DYTN: variants seen among roughly 807,000 people sequenced by gnomAD.
The protein encoded by DYTN is dystrotelin.
Under a neutral mutation model 69.6 loss-of-function variants are expected in DYTN, and 75 were observed. The observed-to-expected ratio is 1.08, with a 90% confidence interval of 0.89 to 1.31. DYTN has a LOEUF of 1.31. Among genes scored for constraint, DYTN ranks in the 50% most tolerant of loss-of-function variants. The pLI is 0.00. For synonymous variants in DYTN, 252 were observed against 249.1 expected (o/e 1.01, Z -0.11); for missense variants, 726 against 688.4 (o/e 1.05, Z -0.61).
At chr2:206,685,746 T>C (rs1699798846) in intron 9 of DYTN, among the ~76,000 whole-genome samples, 3 of 151,916 alleles carry the variant, frequency 2.0e-5, no homozygotes, top group African/African-American at 4.8e-5. Context: ...TTCAGAACCC[T>C]CCCTATAACA....
intron 5 of DYTN, among the ~76,000 whole-genome samples, chr2:206,702,114 A>G (rs1424306564): frequency 6.6e-6 from 1 of 152,124 alleles, no homozygotes; most frequent in African/African-American, 2.4e-5. Context: ...GTGCCACCAC[A>G]CTCAGTGGTT....
rs1447168609 is a variant in DYTN, at chr2:206,651,936, CAA to C, written c.1634-17_1634-16del. The C allele has an allele frequency of 1.2e-6, 2 of 1,604,722 alleles. No individual in the cohort carries two copies. Among genetic ancestry groups the C allele is most frequent in the African/African-American group, 1.3e-5 (1 of 74,548 alleles). On this transcript the variant is annotated splice_polypyrimidine_tract_variant and intron_variant, in intron 11 of 11. Transcript: ENST00000452335. ...AGACTCCGGGCCTGAAATCAACAAA[CAA>C]GAGAGTCATTTAGAGAAACATACCG... is the stretch of plus-strand genomic sequence containing the variant.
intron 8 of DYTN, among the ~76,000 whole-genome samples, chr2:206,693,593 G>A (rs541601961): frequency 3.5e-4 from 53 of 152,240 alleles, no homozygotes; most frequent in African/African-American, 1.2e-3. Context: ...CTAGAGGAGG[G>A]CATCAAAGAG....
chr2:206,705,934 G>A (rs1700020933), intron 3 of DYTN, 61 bp from the exon 4 acceptor site: 2 of 1,561,470 alleles, frequency 1.3e-6, no homozygotes, highest in African/African-American at 2.7e-5. Flanking sequence ...TTGGTGTAAT[G>A]GATGATAAAA....
chr2:206,705,729 C>T, intron 4 of DYTN, 59 bp downstream of exon 4: 1 of 1,506,268 alleles, frequency 6.6e-7, no homozygotes, highest in Non-Finnish European at 9.2e-7. Flanking sequence ...TATAGGATAA[C>T]AGGTTGGGGA....
At chr2:206,696,664 A>G (rs1347046365) in intron 7 of DYTN, among the ~76,000 whole-genome samples, 2 of 152,198 alleles carry the variant, frequency 1.3e-5, no homozygotes, top group Non-Finnish European at 2.9e-5. Context: ...ACTACTTAGT[A>G]AGTAGTAGAA....
intron 9 of DYTN, among the ~76,000 whole-genome samples, chr2:206,672,862 TTGA>T (rs960586735): frequency 6.6e-6 from 1 of 152,228 alleles, no homozygotes; most frequent in African/African-American, 2.4e-5. Flanking sequence ...TCTAATCTCT[TTGA>T]TGAAAAAACT....
chr2:206,673,250 C>A (rs1194473052), intron 9 of DYTN, among the ~76,000 whole-genome samples: 5 of 151,968 alleles, frequency 3.3e-5, no homozygotes, highest in Admixed American at 3.3e-4. Flanking sequence ...TGCATTGGTT[C>A]TCCTATTTTT....
At chr2:206,687,348 T>C (rs561708124) in intron 9 of DYTN, 1 of 153,168 alleles carries the variant, frequency 6.5e-6, no homozygotes, top group East Asian at 1.9e-4. Flanking sequence ...TCCATCTTGA[T>C]GTCCAGGGAG....
chr2:206,698,165 TGAG>T lies in DYTN; in HGVS notation c.719+1559_719+1561del, dbSNP rs759008391. The stretch of plus-strand genomic sequence containing the variant: ...AAATAATTTATTTTTCTTTGTTGTA[TGAG>T]GATTTCTTTGTTCCTGCTTGCTTGG... On this transcript the variant is annotated intron_variant, in intron 7 of 11. Coordinates refer to ENST00000452335, the MANE Select transcript of DYTN (RefSeq NM_001093730.1). Among the ~76,000 whole-genome samples the T allele has an allele frequency of 3.3e-5, 5 of 152,196 alleles. No homozygotes were observed. The East Asian group carries it at 7.7e-4, about 23-fold the overall frequency.
At chr2:206,660,018 CA>C (rs939222526) in intron 11 of DYTN, among the ~76,000 whole-genome samples, 3 of 77,574 alleles carry the variant, frequency 3.9e-5, no homozygotes, top group Non-Finnish European at 5.9e-5. Flanking sequence ...TTTTTTCTTG[CA>C]AAGAAAAAAA....
intron 3 of DYTN, 149 bp downstream of exon 3, chr2:206,707,153 A>G: frequency 9.5e-6 from 9 of 944,682 alleles, no homozygotes; most frequent in South Asian, 1.7e-5. Flanking sequence ...CCTTTGTTCT[A>G]CTCCTGAGGA....
intron 9 of DYTN, among the ~76,000 whole-genome samples, chr2:206,666,879 AC>A (rs1354350569): frequency 2.6e-5 from 4 of 151,670 alleles, no homozygotes; most frequent in African/African-American, 9.7e-5. Context: ...ACACACACAC[AC>A]ACACACACAC....
chr2:206,699,898 A>G lies in DYTN; in HGVS notation c.556-8T>C, dbSNP rs1391790919. On this transcript the variant is annotated splice_polypyrimidine_tract_variant and splice_region_variant and intron_variant, in intron 6 of 11. Coordinates refer to ENST00000452335, the MANE Select transcript of DYTN (RefSeq NM_001093730.1). ...GATTGCTGGGCTCAACACCTGAAAA[A>G]CAATGGCACTCTAAGATGTGTTTTT... 6.2e-7 allele frequency: 1 copy of G among 1,610,176 alleles called. No homozygotes were observed. The highest frequency in any genetic ancestry group is 8.5e-7 in the Non-Finnish European group (1 of 1,178,450).
intron 9 of DYTN, among the ~76,000 whole-genome samples, chr2:206,674,694 A>G (rs553807703): frequency 1.3e-5 from 2 of 152,220 alleles, no homozygotes; most frequent in South Asian, 2.1e-4. Flanking sequence ...AAGGACGTTT[A>G]AAGAATAATC....
Position 206,710,588 on chromosome 2 carries a change from A to G in DYTN, c.30T>C (p.Asn10=), listed in dbSNP as rs1700071352. MDPDKQDAL[N]SIENSIYRTA... ...TTCTATAAATGGAATTCTCAATACT[A>G]TTAAGAGCATCTGTAAAGAAAACGT... is the stretch of plus-strand genomic sequence containing the variant. The change falls in exon 2 of 12, where the codon AAT becomes AAC. Residue 10 remains asparagine, a synonymous_variant. Transcript: ENST00000452335. 6.2e-7 allele frequency: 1 copy of G among 1,606,650 alleles called. No individual in the cohort carries two copies. Among genetic ancestry groups the G allele is most frequent in the African/African-American group, 1.3e-5 (1 of 74,780 alleles).
chr2:206,684,378 C>T (rs1699784075), intron 9 of DYTN, among the ~76,000 whole-genome samples: 1 of 152,122 alleles, frequency 6.6e-6, no homozygotes, highest in Non-Finnish European at 1.5e-5. Context: ...TATCATGGCT[C>T]ACTGCAGCAT....
chr2:206,705,735 G>A, intron 4 of DYTN, 53 bp downstream of exon 4: 4 of 1,538,740 alleles, frequency 2.6e-6, no homozygotes, highest in Non-Finnish European at 2.7e-6. Context: ...ATAACAGGTT[G>A]GGGATTTGGG....
At chr2:206,675,289 T>C (rs1174779505) in intron 9 of DYTN, among the ~76,000 whole-genome samples, 1 of 147,434 alleles carries the variant, frequency 6.8e-6, no homozygotes, top group African/African-American at 2.5e-5. Context: ...TATATTTAAA[T>C]ATATATTTAT....
Sources: gnomAD v4.1 joint callset for allele counts (sites outside exome capture counted in the v4.1 genomes callset) on GRCh38, gnomAD v4.1.1 for gene constraint, MANE v1.5 for transcripts, NCBI Gene and HGNC (gene_info 2026-07-23, HGNC 2026-07-21) for gene names.